The following HFM1 variants were observed in gnomAD, a reference collection of about 807,000 sequenced individuals.
HFM1 encodes the protein probable ATP-dependent DNA helicase HFM1.
Under a neutral mutation model 192.1 loss-of-function variants are expected in HFM1, and 169 were observed. The observed-to-expected ratio is 0.88, with a 90% CI of 0.78 to 1.00. The LOEUF is 1.00. HFM1 is among the 50% of genes least tolerant of loss of function. The pLI is 0.00. For missense variants in HFM1, 1,661 were observed against 1,668.0 expected (o/e 1.00, Z 0.07); for synonymous variants, 525 against 537.8 (o/e 0.98, Z 0.33).
chr1:91,367,968 T>G (rs1259767370), intron 13 of HFM1, among the ~76,000 whole-genome samples: 1 of 152,188 alleles, frequency 6.6e-6, no homozygotes, highest in Non-Finnish European at 1.5e-5. Context: ...CAAGCCTCAG[T>G]AGCCGATGTG....
rs890500511 is a variant in HFM1 at position 91,319,401 on chromosome 1, G to A, written c.2583-11C>T. ...TGAGCCTGAATAAGACTGGGGGAAA[G>A]AAAAAAAATTGTTACTCCCTTTTAA... On this transcript the variant is annotated splice_polypyrimidine_tract_variant and intron_variant, in intron 23 of 38. Coordinates refer to ENST00000370425, the MANE Select transcript of HFM1 (RefSeq NM_001017975.6). 7 of 1,557,096 alleles carry A rather than the reference G, an allele frequency of 4.5e-6. No homozygotes were observed. The highest frequency in any genetic ancestry group is 1.4e-5 in the African/African-American group (1 of 73,392).
At chr1:91,269,147 A>G (rs1322929701) in intron 34 of HFM1, among the ~76,000 whole-genome samples, 1 of 152,126 alleles carries the variant, frequency 6.6e-6, no homozygotes, top group Non-Finnish European at 1.5e-5. Flanking sequence ...TTCCTATGGT[A>G]TAAATGTTCC....
chr1:91,298,334 G>C (rs906166055), intron 30 of HFM1, among the ~76,000 whole-genome samples: 3 of 152,178 alleles, frequency 2.0e-5, no homozygotes, highest in Admixed American at 2.0e-4. Context: ...AAAGTCACAG[G>C]GAGAATGGAA....
chr1:91,315,532 G>A (rs1651065721), intron 28 of HFM1, among the ~76,000 whole-genome samples: 1 of 152,140 alleles, frequency 6.6e-6, no homozygotes, highest in South Asian at 2.1e-4. Flanking sequence ...GAAAAGCAGT[G>A]AAATAAGAAA....
At position 91,385,506 on chromosome 1, in the gene HFM1, T is replaced by A. The variant is rs953963570; in HGVS notation, c.754+69A>T. Reference sequence around the variant, plus strand: ...TACTCAAATTTACTATATTTTTACATTTTCCCCCATGCTAAGAAATGTGGT... The same window carrying A: ...TACTCAAATTTACTATATTTTTACAATTTCCCCCATGCTAAGAAATGTGGT... On this transcript the variant is annotated intron_variant, in intron 5 of 38. Transcript: ENST00000370425. 4 of 1,289,830 alleles carry A rather than the reference T, an allele frequency of 3.1e-6. No individual in the cohort carries two copies. In the Admixed American group the frequency reaches 9.1e-5, roughly 29 times the overall value. The allele number at this position is 1,289,830 out of a possible 1,614,324, so 79.9% of individuals were successfully genotyped here.
intron 13 of HFM1, among the ~76,000 whole-genome samples, chr1:91,372,481 G>A (rs13375675): frequency 0.017 from 2,535 of 152,164 alleles, 64 homozygotes; most frequent in African/African-American, 0.057. Context: ...GCAAACTATC[G>A]CAAGGACAAA....
chr1:91,367,059 G>A (rs1418517269), intron 13 of HFM1, among the ~76,000 whole-genome samples: 1 of 152,232 alleles, frequency 6.6e-6, no homozygotes, highest in Non-Finnish European at 1.5e-5. Context: ...GAGGCTGGGG[G>A]AGGGGCACCC....
chr1:91,394,138 T>C lies in HFM1; in HGVS notation c.449A>G (p.Asn150Ser). 3 of 1,605,434 alleles carry C rather than the reference T, an allele frequency of 1.9e-6. No individual in the cohort carries two copies. The highest frequency in any genetic ancestry group is 1.7e-6 in the Non-Finnish European group (2 of 1,174,008). Reference protein sequence around the residue: ...KSVPDDTKLVNFAEDKGESTS... With the variant: ...KSVPDDTKLVSFAEDKGESTS... The stretch of plus-strand genomic sequence containing the variant: ...GCTCTCTCCTTTATCTTCTGCAAAA[T>C]TAACTAATTTTGTATCATCAGGAAC... Residue 150 changes from asparagine to serine, a missense_variant, in exon 4 of 39, where the codon AAT becomes AGT. Asn to Ser is a conservative substitution (Grantham distance 46). Coordinates refer to ENST00000370425, the MANE Select transcript of HFM1 (RefSeq NM_001017975.6).
intron 13 of HFM1, among the ~76,000 whole-genome samples, chr1:91,374,745 A>C (rs963453994): frequency 2.0e-5 from 3 of 152,198 alleles, no homozygotes; most frequent in African/African-American, 7.2e-5. Context: ...ATTCAGTTAC[A>C]CAGATGGACT....
chr1:91,270,982 T>A (rs1282978906), intron 34 of HFM1, among the ~76,000 whole-genome samples: 1 of 152,156 alleles, frequency 6.6e-6, no homozygotes, highest in Non-Finnish European at 1.5e-5. Context: ...GTTTTTTGTC[T>A]GCCTGGTATG....
intron 21 of HFM1, 123 bp from the exon 22 acceptor site, chr1:91,323,322 C>T: frequency 1.6e-6 from 1 of 631,018 alleles, no homozygotes; most frequent in Non-Finnish European, 2.7e-6. Context: ...ATGAACATAA[C>T]AGAGTTAAAA....
chr1:91,348,291 C>T (rs1028290346), intron 18 of HFM1, among the ~76,000 whole-genome samples: 3 of 151,980 alleles, frequency 2.0e-5, no homozygotes, highest in South Asian at 2.1e-4. Context: ...AATATTCATA[C>T]ATAATATTGA....
intron 30 of HFM1, among the ~76,000 whole-genome samples, chr1:91,299,306 G>C (rs1648264039): frequency 6.6e-6 from 1 of 152,138 alleles, no homozygotes; most frequent in African/African-American, 2.4e-5. Context: ...GACCTACAAA[G>C]AGACTTAGAC....
intron 6 of HFM1, among the ~76,000 whole-genome samples, chr1:91,381,501 T>C (rs754173992): frequency 6.6e-6 from 1 of 152,200 alleles, no homozygotes; most frequent in African/African-American, 2.4e-5. Context: ...ATTATAACTA[T>C]CAACATACTG....
upstream of HFM1, among the ~76,000 whole-genome samples, chr1:91,405,356 T>A (rs978387164): frequency 2.6e-5 from 4 of 152,234 alleles, no homozygotes; most frequent in African/African-American, 9.6e-5. Context: ...GCTGTAAACA[T>A]GAACAAACTA....
rs1280310603 is a variant in HFM1, at chr1:91,277,940, ATATAT to A, written c.3392-883_3392-879del. Among the ~76,000 whole-genome samples, 5 of 91,436 alleles carry A rather than the reference ATATAT, an allele frequency of 5.5e-5. No homozygotes were observed. In the East Asian group the frequency reaches 1.7e-3, roughly 30 times the overall value. 60.0% of individuals were successfully genotyped at this position (91,436 alleles called of 152,430 possible). A position where few individuals can be genotyped will look rare whatever the true frequency, so the allele number is the denominator to read the frequency against. ...CACTAATATATAATATATATACTTTATATATTATATTTTATATATACTTTATATAC... is the reference window on the plus strand; with the variant it reads ...CACTAATATATAATATATATACTTTATATATTTTATATATACTTTATATAC... On this transcript the variant is annotated intron_variant, in intron 30 of 38. Coordinates refer to ENST00000370425, the MANE Select transcript of HFM1 (RefSeq NM_001017975.6).
intron 6 of HFM1, among the ~76,000 whole-genome samples, chr1:91,382,350 T>C (rs1183929088): frequency 6.6e-6 from 1 of 152,148 alleles, no homozygotes; most frequent in Non-Finnish European, 1.5e-5. Context: ...TTATATGTTA[T>C]TATAGTTGTT....
chr1:91,386,838 C>A (rs926583404), intron 4 of HFM1, among the ~76,000 whole-genome samples: 3 of 152,100 alleles, frequency 2.0e-5, no homozygotes, highest in Admixed American at 6.6e-5. Context: ...CAGAAGCTAC[C>A]AGATAAGACA....
intron 30 of HFM1, among the ~76,000 whole-genome samples, chr1:91,300,920 G>C (rs1648655871): frequency 6.6e-6 from 1 of 152,120 alleles, no homozygotes; most frequent in South Asian, 2.1e-4. Flanking sequence ...ACACAGTGTT[G>C]GAAGTTCTGG....
Sources: gnomAD v4.1 joint callset for allele counts (sites outside exome capture counted in the v4.1 genomes callset) on GRCh38, gnomAD v4.1.1 for gene constraint, MANE v1.5 for transcripts, NCBI Gene and HGNC (gene_info 2026-07-23, HGNC 2026-07-21) for gene names.